The following SYT14 variants were observed in gnomAD, a reference collection of about 807,000 sequenced individuals.
SYT14 encodes the protein synaptotagmin-14.
Under a neutral mutation model 74.2 loss-of-function variants are expected in SYT14, and 32 were observed. The observed-to-expected ratio is 0.43, with a 90% CI of 0.33 to 0.58. SYT14 has a LOEUF of 0.58. SYT14 is among the 20% of genes least tolerant of loss of function. The pLI is 0.05. For synonymous variants in SYT14, 298 were observed against 337.7 expected, an observed-to-expected ratio of 0.88 and a Z score of 1.29; for missense variants, 791 against 981.8, an observed-to-expected ratio of 0.81 and a Z score of 2.60.
chr1:210,119,392 TTAGAA>T (rs768491161), intron 7 of SYT14, among the ~76,000 whole-genome samples: 10 of 152,204 alleles, frequency 6.6e-5, no homozygotes, highest in Non-Finnish European at 1.2e-4. Context: ...ATTTATGTTC[TTAGAA>T]TAGAGTAGAA....
intron 7 of SYT14, among the ~76,000 whole-genome samples, chr1:210,151,215 G>T (rs1558224611): frequency 6.6e-6 from 1 of 152,130 alleles, no homozygotes; most frequent in South Asian, 2.1e-4. Flanking sequence ...GTTTGACTTT[G>T]CATTAATCAC....
chr1:210,030,001 G>A (rs1315696700), intron 5 of SYT14, among the ~76,000 whole-genome samples: 4 of 152,032 alleles, frequency 2.6e-5, no homozygotes, highest in Admixed American at 6.6e-5. Context: ...TCCTTTTGAT[G>A]TAATCGCAAA....
chr1:210,142,238 A>G (rs1241581756), intron 7 of SYT14, among the ~76,000 whole-genome samples: 1 of 152,180 alleles, frequency 6.6e-6, no homozygotes, highest in Non-Finnish European at 1.5e-5. Flanking sequence ...TTGGCTTTCA[A>G]CACTACCAGG....
In SYT14 at chr1:209,938,378, C is replaced by G. The variant is rs532646839; in HGVS notation, c.-534+101C>G. ...GCCGAGGCGCTGACGGGGCCGCCTC[C>G]TGTGGTCTGGAGCCGGCTGAAGACG... On this transcript the variant is annotated intron_variant, in intron 1 of 9. Transcript: ENST00000637265. 1.7e-4 allele frequency: 224 copies of G among 1,306,318 alleles called. No homozygotes were observed. In the African/African-American group the frequency reaches 3.2e-3, roughly 19 times the overall value. The allele number at this position is 1,306,318 out of a possible 1,614,324, so 80.9% of individuals were successfully genotyped here. A position where few individuals can be genotyped will look rare whatever the true frequency, so the allele number is the denominator to read the frequency against.
At chr1:210,164,761 T>C (rs189314472) in exon 10 of SYT14, 11 of 152,232 alleles carry the variant, frequency 7.2e-5, no homozygotes, top group East Asian at 5.8e-4. Context: ...AAGACAGTTA[T>C]TATATATATA....
chr1:210,013,102 A>G (rs1291256900), intron 2 of SYT14, among the ~76,000 whole-genome samples: 1 of 114,976 alleles, frequency 8.7e-6, no homozygotes, highest in African/African-American at 3.3e-5. Flanking sequence ...TTTTTTTTTT[A>G]GACAGTTTTG....
chr1:209,980,815 C>T (rs1443723931), intron 2 of SYT14, among the ~76,000 whole-genome samples: 1 of 152,056 alleles, frequency 6.6e-6, no homozygotes, highest in Non-Finnish European at 1.5e-5. Flanking sequence ...TGTGTCTGTT[C>T]TTGTACCAGT....
At chr1:210,157,601 G>A (rs2083293976) in intron 8 of SYT14, among the ~76,000 whole-genome samples, 1 of 151,862 alleles carries the variant, frequency 6.6e-6, no homozygotes, top group African/African-American at 2.4e-5. Flanking sequence ...AATTAACTGG[G>A]CATGGTGGCG....
At chr1:210,034,096 A>G (rs961666834) in intron 5 of SYT14, among the ~76,000 whole-genome samples, 3 of 151,880 alleles carry the variant, frequency 2.0e-5, no homozygotes, top group African/African-American at 4.8e-5. Flanking sequence ...AACATTTTAC[A>G]TAAATTAACT....
At chr1:210,134,170 G>T (rs1393036604) in intron 7 of SYT14, among the ~76,000 whole-genome samples, 1 of 151,840 alleles carries the variant, frequency 6.6e-6, no homozygotes, top group East Asian at 1.9e-4. Context: ...TGGTGCAATC[G>T]TGGCTCACTG....
intron 2 of SYT14, among the ~76,000 whole-genome samples, chr1:209,955,121 C>T (rs1193923302): frequency 6.6e-6 from 1 of 152,184 alleles, no homozygotes; most frequent in African/African-American, 2.4e-5. Flanking sequence ...GGGCTTACTT[C>T]GTTTTTCCAT....
chr1:210,044,905 A>C (rs1364866443), intron 5 of SYT14, among the ~76,000 whole-genome samples: 2 of 152,122 alleles, frequency 1.3e-5, no homozygotes, highest in Non-Finnish European at 1.5e-5. Flanking sequence ...GTGAGTTGGC[A>C]GGGATGTCCC....
At position 210,098,297 on chromosome 1, in the gene SYT14, TGCTACAACAAAAAGACCCCTA is replaced by T. The variant is rs1435690058; in HGVS notation, c.1585-1712_1585-1692del. 2.6e-5 allele frequency among the ~76,000 whole-genome samples: 4 copies of T among 152,256 alleles called. No homozygotes were observed. The East Asian group carries it at 7.7e-4, about 29-fold the overall frequency. ...ACAGTAGTTACGGTACATGTTAAGC[TGCTACAACAAAAAGACCCCTA>T]GCCCCCACCAAATACAATGGCTAAA... On this transcript the variant is annotated intron_variant, in intron 6 of 9. Transcript: ENST00000637265.
exon 3 of SYT14, chr1:210,013,727 T>A: frequency 6.2e-7 from 1 of 1,613,138 alleles, no homozygotes; most frequent in Non-Finnish European, 8.5e-7. Flanking sequence ...AGTTCTGTTT[T>A]GAAAATGTTG....
At chr1:210,158,234 C>G (rs2083306120) in intron 8 of SYT14, among the ~76,000 whole-genome samples, 1 of 152,090 alleles carries the variant, frequency 6.6e-6, no homozygotes, top group African/African-American at 2.4e-5. Context: ...ACTTAGAATG[C>G]AAACTCAAAA....
intron 5 of SYT14, among the ~76,000 whole-genome samples, chr1:210,054,307 T>C (rs578257143): frequency 9.6e-4 from 146 of 152,308 alleles, no homozygotes; most frequent in Non-Finnish European, 1.6e-3. Context: ...ATTATTCATT[T>C]GATATTGAAA....
chr1:210,168,544 A>G (rs1017752018), exon 10 of SYT14: 2 of 152,246 alleles, frequency 1.3e-5, no homozygotes, highest in South Asian at 4.1e-4. Context: ...ATACTCCGTT[A>G]TATACTGAAA....
At chr1:209,990,527 A>ACATATATATACG (rs1263195674) in intron 2 of SYT14, among the ~76,000 whole-genome samples, 6 of 12,808 alleles carry the variant, frequency 4.7e-4, no homozygotes, top group Non-Finnish European at 9.3e-4. Flanking sequence ...TATTTCACAT[A>ACATATATATACG]TATATATATA....
At chr1:210,138,865 C>G (rs2082846626) in intron 7 of SYT14, among the ~76,000 whole-genome samples, 1 of 152,094 alleles carries the variant, frequency 6.6e-6, no homozygotes, top group Admixed American at 6.5e-5. Flanking sequence ...CACAACTTAT[C>G]AGCTCTTTAT....
Sources: gnomAD v4.1 joint callset for allele counts (sites outside exome capture counted in the v4.1 genomes callset) on GRCh38, gnomAD v4.1.1 for gene constraint, MANE v1.5 for transcripts, NCBI Gene and HGNC (gene_info 2026-07-23, HGNC 2026-07-21) for gene names.